KIAA0232: variants seen among roughly 807,000 people sequenced by gnomAD.
KIAA0232 encodes the protein uncharacterized protein KIAA0232.
A neutral mutation model predicts 122.0 loss-of-function variants in KIAA0232; 27 were observed. The ratio of observed to expected loss-of-function variants is 0.22; its 90% confidence interval spans 0.16 to 0.31. The LOEUF is 0.31. Among genes scored for constraint, KIAA0232 ranks in the 10% least tolerant of loss-of-function variants. The probability of loss-of-function intolerance (pLI) is 1.00; values close to 1 mark genes in which losing one functional copy is unlikely to be tolerated. For synonymous variants in KIAA0232, 613 were observed against 587.6 expected, an observed-to-expected ratio of 1.04 and a Z score of -0.63; for missense variants, 1,551 against 1,634.2, an observed-to-expected ratio of 0.95 and a Z score of 0.88.
intron 2 of KIAA0232, among the ~76,000 whole-genome samples, chr4:6,811,226 A>G (rs1433971063): frequency 7.2e-5 from 11 of 152,226 alleles, no homozygotes; most frequent in Non-Finnish European, 4.4e-5. Context: ...ATCAGTGAAT[A>G]AATGGATAAA....
At chr4:6,870,666 G>A (rs1721428734) in intron 7 of KIAA0232, among the ~76,000 whole-genome samples, 1 of 152,144 alleles carries the variant, frequency 6.6e-6, no homozygotes, top group South Asian at 2.1e-4. Flanking sequence ...AGCCGGGGTG[G>A]TGGTACATGC....
intron 1 of KIAA0232, among the ~76,000 whole-genome samples, chr4:6,798,114 G>A (rs888769745): frequency 1.3e-5 from 2 of 151,962 alleles, no homozygotes; most frequent in East Asian, 1.9e-4. Context: ...CAAGTTAAAC[G>A]AGGAGTGAAT....
chr4:6,811,184 A>G (rs532418257), intron 2 of KIAA0232, among the ~76,000 whole-genome samples: 32 of 152,318 alleles, frequency 2.1e-4, no homozygotes, highest in African/African-American at 7.5e-4. Context: ...ACTATTCACA[A>G]TAACAAAGAT....
rs71173468 is a variant in KIAA0232 at position 6,807,032 on chromosome 4, GTCTATCTATCTATCTA to G, written c.-270+2460_-270+2475del. On this transcript the variant is annotated intron_variant, in intron 2 of 9. Transcript: ENST00000307659. ...GTTTTTCCTTTTTGTCTGTCTGTCT[GTCTATCTATCTATCTA>G]TCTATCTATCTATCTATCTATCTAT... 4.0e-3 allele frequency among the ~76,000 whole-genome samples: 577 copies of G among 145,856 alleles called. 2 individuals are homozygous for G. The highest frequency in any genetic ancestry group is 9.3e-3 in the African/African-American group (362 of 38,922).
Position 6,864,106 on chromosome 4 carries a change from A to C in KIAA0232, c.3724A>C (p.Asn1242His). 2 of 1,614,126 alleles carry C rather than the reference A, an allele frequency of 1.2e-6. No individual in the cohort carries two copies. Among genetic ancestry groups the C allele is most frequent in the Non-Finnish European group, 1.7e-6 (2 of 1,180,008 alleles). ...GGCACAATGCGAGGAAGAAATTAAT[A>C]ATTTTTGTGGTTGCAAAGCAGGTTG... ...IMAQCEEEINNFCGCKAGCQF... is the reference protein window; with the variant it reads ...IMAQCEEEINHFCGCKAGCQF... The change falls in exon 7 of 10, where the codon AAT (asparagine) becomes CAT (histidine). Residue 1242 changes from asparagine (N) to histidine (H), a missense_variant. Physicochemically the swap from Asn to His is moderately conservative, Grantham distance 68. Coordinates refer to ENST00000307659, the MANE Select transcript of KIAA0232 (RefSeq NM_014743.3).
chr4:6,783,414 C>T (rs1320316130), intron 1 of KIAA0232, among the ~76,000 whole-genome samples: 1 of 152,200 alleles, frequency 6.6e-6, no homozygotes, highest in Non-Finnish European at 1.5e-5. Context: ...CTAGGGGAGA[C>T]GAGGCGGGGG....
intron 3 of KIAA0232, 32 bp downstream of exon 3, chr4:6,824,716 C>G: frequency 6.4e-7 from 1 of 1,557,400 alleles, no homozygotes; most frequent in Non-Finnish European, 8.8e-7. Context: ...TTTCTGAAAA[C>G]TGATTGTATC....
At chr4:6,822,636 A>T (rs1454878298) in intron 2 of KIAA0232, among the ~76,000 whole-genome samples, 2 of 152,174 alleles carry the variant, frequency 1.3e-5, no homozygotes, top group African/African-American at 4.8e-5. Context: ...TTATGATTTA[A>T]TAAAGCCATT....
intron 3 of KIAA0232, among the ~76,000 whole-genome samples, chr4:6,837,340 C>A (rs1008373859): frequency 1.3e-5 from 2 of 151,660 alleles, no homozygotes; most frequent in African/African-American, 4.8e-5. Context: ...AGGTGCTCCC[C>A]ACATCCCAGA....
At chr4:6,853,320 T>C (rs868134038) in intron 4 of KIAA0232, among the ~76,000 whole-genome samples, 5 of 152,060 alleles carry the variant, frequency 3.3e-5, no homozygotes, top group African/African-American at 1.2e-4. Context: ...TTCCAGAAAG[T>C]AGAACAAAAA....
chr4:6,812,427 A>G (rs1717920129), intron 2 of KIAA0232, among the ~76,000 whole-genome samples: 1 of 152,154 alleles, frequency 6.6e-6, no homozygotes, highest in South Asian at 2.1e-4. Context: ...CATGGGGGTG[A>G]CATAATGCCA....
intron 2 of KIAA0232, among the ~76,000 whole-genome samples, chr4:6,813,174 C>T (rs1032096188): frequency 7.2e-5 from 11 of 152,022 alleles, no homozygotes; most frequent in Non-Finnish European, 1.0e-4. Context: ...CCATGTTTCT[C>T]GGAACATTAT....
In KIAA0232 at chr4:6,857,979, C is replaced by A. The variant is rs543175345; in HGVS notation, c.437-446C>A. Among the ~76,000 whole-genome samples, 80 of 152,324 alleles carry A rather than the reference C, an allele frequency of 5.3e-4. 1 individual carries two copies. In the Middle Eastern group the frequency reaches 0.01, roughly 19 times the overall value. Reference sequence around the variant, plus strand: ...TGTTTCAGTTGAAATAGCCCTTGCTCACCTACATGTTAAGTAATAGAGCAA... The same window carrying A: ...TGTTTCAGTTGAAATAGCCCTTGCTAACCTACATGTTAAGTAATAGAGCAA... On this transcript the variant is annotated intron_variant, in intron 5 of 9. Transcript: ENST00000307659.
chr4:6,841,813 T>G (rs1264303396), intron 3 of KIAA0232, among the ~76,000 whole-genome samples: 2 of 152,124 alleles, frequency 1.3e-5, no homozygotes, highest in African/African-American at 4.8e-5. Context: ...AAGACCTAAA[T>G]AAATAGAAAA....
chr4:6,816,561 CG>C (rs759228512), intron 2 of KIAA0232, among the ~76,000 whole-genome samples: 2 of 152,166 alleles, frequency 1.3e-5, no homozygotes, highest in Non-Finnish European at 2.9e-5. Context: ...GGATTACAGG[CG>C]TGAGCCACCT....
chr4:6,799,270 T>C (rs942680749), intron 1 of KIAA0232, among the ~76,000 whole-genome samples: 7 of 150,238 alleles, frequency 4.7e-5, no homozygotes, highest in African/African-American at 1.5e-4. Context: ...GAGTCTCTTA[T>C]CCAATTTAGG....
chr4:6,860,924 T>C lies in KIAA0232; in HGVS notation c.542T>C (p.Leu181Pro). The C allele has an allele frequency of 6.2e-7, 1 of 1,613,924 alleles. No individual in the cohort carries two copies. Among genetic ancestry groups the C allele is most frequent in the Non-Finnish European group, 8.5e-7 (1 of 1,179,862 alleles). The part of the protein sequence containing the change: ...VEMYYEAFPP[L>P]SEKPVCLQEI... ...AGGTACTATGAAGCATTTCCACCAC[T>C]TTCTGAGAAACCAGTTTGCCTGCAA... Residue 181 changes from leucine to proline, a missense_variant, in exon 7 of 10, where the codon CTT becomes CCT. Transcript: ENST00000307659.
Position 6,782,804 on chromosome 4 carries a change from C to A in KIAA0232, c.-391C>A, listed in dbSNP as rs1001338020. Reference sequence around the variant, plus strand: ...GCCCCTCGGAGCCAGAGGAGAGGCGCCCCCGCCGGCCGCCGCGCCGCCCGG... The same window carrying A: ...GCCCCTCGGAGCCAGAGGAGAGGCGACCCCGCCGGCCGCCGCGCCGCCCGG... On this transcript the variant is annotated 5_prime_UTR_variant, in exon 1 of 10. Transcript: ENST00000307659. 3 of 148,504 alleles carry A rather than the reference C, an allele frequency of 2.0e-5. No homozygotes were observed. Among genetic ancestry groups the A allele is most frequent in the African/African-American group, 7.3e-5 (3 of 40,986 alleles). The allele number at this position is 148,504 out of a possible 1,614,324, so 9.2% of individuals were successfully genotyped here.
chr4:6,812,364 A>G (rs995929285), intron 2 of KIAA0232, among the ~76,000 whole-genome samples: 4 of 152,222 alleles, frequency 2.6e-5, no homozygotes, highest in African/African-American at 7.2e-5. Context: ...TAAAATAGCC[A>G]CATGTGACTA....
Sources: allele counts gnomAD v4.1 joint callset (sites outside exome capture counted in the v4.1 genomes callset), GRCh38; gene constraint gnomAD v4.1.1; transcripts MANE v1.5; gene names NCBI Gene and HGNC (gene_info 2026-07-23, HGNC 2026-07-21).